The following CLINT1 variants were observed in gnomAD, a reference collection of about 807,000 sequenced individuals.
The protein encoded by CLINT1 is clathrin interactor 1, also known as clathrin interacting protein localized in the trans-Golgi region.
In CLINT1, 15 loss-of-function variants were observed where a neutral mutation model predicts 70.4. The ratio of observed to expected loss-of-function variants is 0.21; its 90% CI spans 0.14 to 0.33. CLINT1 has a LOEUF of 0.33. Ranked by LOEUF, CLINT1 falls within the 10% of genes least tolerant of loss-of-function variation. CLINT1 has a pLI of 1.00. For synonymous variants in CLINT1, 227 were observed against 254.7 expected, an observed-to-expected ratio of 0.89 and a Z score of 1.04; for missense variants, 615 against 778.1, an observed-to-expected ratio of 0.79 and a Z score of 2.49.
At chr5:157,855,082 T>C (rs1311225026) in intron 1 of CLINT1, among the ~76,000 whole-genome samples, 1 of 138,314 alleles carries the variant, frequency 7.2e-6, no homozygotes, top group Middle Eastern at 4.3e-3. Context: ...AGGTAGAGAT[T>C]GCAGTGGGCT....
At chr5:157,857,163 C>T (rs1189750612) in intron 1 of CLINT1, among the ~76,000 whole-genome samples, 5 of 149,022 alleles carry the variant, frequency 3.4e-5, no homozygotes, top group Admixed American at 2.7e-4. Context: ...GGGAGGATCA[C>T]TTGAGCCCAG....
At chr5:157,851,356 G>A (rs1232788470) in intron 1 of CLINT1, among the ~76,000 whole-genome samples, 1 of 152,028 alleles carries the variant, frequency 6.6e-6, no homozygotes, top group East Asian at 1.9e-4. Context: ...CTTAAATACT[G>A]TCCTAAGAAT....
At chr5:157,847,315 G>A (rs2113319620) in intron 1 of CLINT1, among the ~76,000 whole-genome samples, 1 of 152,228 alleles carries the variant, frequency 6.6e-6, no homozygotes. Context: ...GCTAGCCTCA[G>A]CAACATAGCG....
At chr5:157,802,641 G>A (rs1391295710) in intron 8 of CLINT1, among the ~76,000 whole-genome samples, 3 of 151,462 alleles carry the variant, frequency 2.0e-5, no homozygotes, top group African/African-American at 7.3e-5. Context: ...CGCCTCCCGG[G>A]TTCAAGTGAT....
At chr5:157,794,825 TG>T (rs1185982423) in intron 9 of CLINT1, 72 bp downstream of exon 9, 2 of 1,048,462 alleles carry the variant, frequency 1.9e-6, no homozygotes, top group Non-Finnish European at 2.9e-6. Flanking sequence ...GAAGCTGACT[TG>T]GGGGGAATGG....
chr5:157,844,825 T>G (rs116976849), intron 1 of CLINT1, among the ~76,000 whole-genome samples: 1 of 152,336 alleles, frequency 6.6e-6, no homozygotes, highest in East Asian at 1.9e-4. Context: ...ATAATACAGC[T>G]CAACAAATGT....
At chr5:157,817,358 A>C (rs1762751562) in intron 2 of CLINT1, 85 bp downstream of exon 2, 2 of 824,856 alleles carry the variant, frequency 2.4e-6, no homozygotes, top group Non-Finnish European at 3.9e-6. Flanking sequence ...GCAGCCAAAT[A>C]GTTTAAATCT....
At chr5:157,814,344 G>A (rs1762647296) in intron 3 of CLINT1, 51 bp from the exon 4 acceptor site, 1 of 1,247,324 alleles carries the variant, frequency 8.0e-7, no homozygotes, top group Non-Finnish European at 1.1e-6. Context: ...TTCTAGTAGA[G>A]CTTTGGTAAA....
At chr5:157,814,761 C>T (rs1414561745) in intron 3 of CLINT1, among the ~76,000 whole-genome samples, 3 of 152,016 alleles carry the variant, frequency 2.0e-5, no homozygotes, top group Non-Finnish European at 2.9e-5. Flanking sequence ...CCAGGCTCAG[C>T]GGCTCATGCC....
intron 5 of CLINT1, among the ~76,000 whole-genome samples, chr5:157,812,257 T>TG (rs1315368083): frequency 1.3e-5 from 2 of 151,824 alleles, no homozygotes; most frequent in Non-Finnish European, 2.9e-5. Context: ...CATATATGGG[T>TG]GGGGGGAGCT....
intron 8 of CLINT1, among the ~76,000 whole-genome samples, chr5:157,803,235 A>C (rs1762281083): frequency 6.6e-6 from 1 of 152,272 alleles, no homozygotes; most frequent in African/African-American, 2.4e-5. Flanking sequence ...TGGAAACTAT[A>C]GATTCCAAAA....
At chr5:157,832,721 T>A (rs1453207572) in intron 1 of CLINT1, among the ~76,000 whole-genome samples, 1 of 152,178 alleles carries the variant, frequency 6.6e-6, no homozygotes, top group Non-Finnish European at 1.5e-5. Context: ...GACAGTACCA[T>A]CCAAGGTTAT....
At chr5:157,848,892 CT>C (rs112485229) in intron 1 of CLINT1, among the ~76,000 whole-genome samples, 2 of 152,126 alleles carry the variant, frequency 1.3e-5, no homozygotes, top group African/African-American at 4.8e-5. Context: ...GAACTCCTAA[CT>C]TCAAGTGATC....
At chr5:157,815,199 T>C (rs940069229) in intron 3 of CLINT1, among the ~76,000 whole-genome samples, 1 of 149,594 alleles carries the variant, frequency 6.7e-6, no homozygotes, top group African/African-American at 2.5e-5. Context: ...ACTTAGGAGG[T>C]TGAGGCAGGA....
At chr5:157,815,414 G>GA (rs5872523) in intron 3 of CLINT1, among the ~76,000 whole-genome samples, 61,356 of 151,904 alleles carry the variant, frequency 0.4, 12,923 homozygotes, top group East Asian at 0.61. Context: ...AAATGTTCTG[G>GA]AATTAGACAG....
chr5:157,858,720 G>T (rs6894904), intron 1 of CLINT1, among the ~76,000 whole-genome samples: 4 of 152,052 alleles, frequency 2.6e-5, no homozygotes, highest in Admixed American at 2.0e-4. Context: ...GTGGCCAAGA[G>T]GATGTTTTTT....
At chr5:157,795,053 C>CA in intron 8 of CLINT1, 81 bp from the exon 9 acceptor site, 2 of 1,075,234 alleles carry the variant, frequency 1.9e-6, no homozygotes, top group East Asian at 2.6e-5. Context: ...TAGTGCCACA[C>CA]AAAAAGTACC....
intron 1 of CLINT1, among the ~76,000 whole-genome samples, chr5:157,857,433 A>G (rs1753795037): frequency 1.3e-5 from 2 of 152,240 alleles, no homozygotes; most frequent in African/African-American, 4.8e-5. Context: ...AAGCCTTAAT[A>G]GCCAAATGAG....
At chr5:157,813,021 G>A (rs755099575) in intron 5 of CLINT1, 42 bp downstream of exon 5, 46 of 1,579,720 alleles carry the variant, frequency 2.9e-5, no homozygotes, top group Non-Finnish European at 3.2e-5. Flanking sequence ...TACTCAAGAA[G>A]CTAAGCTGAT....
Sources: allele counts gnomAD v4.1 joint callset (sites outside exome capture counted in the v4.1 genomes callset), GRCh38; gene constraint gnomAD v4.1.1; transcripts MANE v1.5; gene names NCBI Gene and HGNC (gene_info 2026-07-23, HGNC 2026-07-21).